FNDC3A: variants seen among roughly 807,000 people sequenced by gnomAD.
FNDC3A encodes the protein fibronectin type-III domain-containing protein 3A.
FNDC3A carries 32 observed loss-of-function variants against 148.9 expected under a neutral mutation model. That is an observed-to-expected ratio of 0.21 (90% CI 0.16 to 0.29). The LOEUF is 0.29. Among genes scored for constraint, FNDC3A ranks in the 10% least tolerant of loss-of-function variants. The pLI is 1.00. For missense variants in FNDC3A, 1,191 were observed against 1,452.8 expected (o/e 0.82, Z 2.93); for synonymous variants, 472 against 473.6 (o/e 1.00, Z 0.04).
At chr13:49,173,786 A>G (rs938717698) in intron 11 of FNDC3A, among the ~76,000 whole-genome samples, 13 of 152,166 alleles carry the variant, frequency 8.5e-5, no homozygotes, top group Admixed American at 4.6e-4. Context: ...CCTAACTACC[A>G]TTTTATCTCT....
chr13:49,050,807 T>C (rs780584874), intron 2 of FNDC3A, among the ~76,000 whole-genome samples: 1 of 152,238 alleles, frequency 6.6e-6, no homozygotes, highest in African/African-American at 2.4e-5. Flanking sequence ...GTAATTGTTT[T>C]ATAAATGTGG....
intron 5 of FNDC3A, among the ~76,000 whole-genome samples, chr13:49,131,734 C>T (rs113560605): frequency 6.4e-4 from 98 of 152,312 alleles, no homozygotes; most frequent in African/African-American, 2.0e-3. Context: ...CTACACAAAG[C>T]TGCTAAGCTC....
chr13:49,173,302 C>T (rs1476788621), intron 11 of FNDC3A, among the ~76,000 whole-genome samples: 1 of 152,118 alleles, frequency 6.6e-6, no homozygotes, highest in Non-Finnish European at 1.5e-5. Flanking sequence ...AGATTTTATT[C>T]CGGAAATTCT....
intron 10 of FNDC3A, among the ~76,000 whole-genome samples, chr13:49,170,018 T>C (rs1884671856): frequency 6.6e-6 from 1 of 152,158 alleles, no homozygotes; most frequent in Non-Finnish European, 1.5e-5. Flanking sequence ...GTGACTGTTC[T>C]TTATTTCGAA....
At chr13:49,151,537 TTG>T (rs543869016) in intron 8 of FNDC3A, among the ~76,000 whole-genome samples, 104 of 152,308 alleles carry the variant, frequency 6.8e-4, no homozygotes, top group Non-Finnish European at 1.2e-3. Context: ...TTCAGTGAGT[TTG>T]TGTCTTTTAA....
intron 1 of FNDC3A, among the ~76,000 whole-genome samples, chr13:48,989,030 A>G (rs1211763146): frequency 1.3e-5 from 2 of 152,226 alleles, no homozygotes; most frequent in Non-Finnish European, 2.9e-5. Context: ...ACACAGGGCC[A>G]GAAGAAGTGC....
At chr13:49,151,973 T>C (rs1883326805) in intron 8 of FNDC3A, among the ~76,000 whole-genome samples, 1 of 152,226 alleles carries the variant, frequency 6.6e-6, no homozygotes. Context: ...TAATCCAGTC[T>C]ATCATTGGTA....
At chr13:49,132,047 CCACTAGT>C (rs761128437) in intron 5 of FNDC3A, among the ~76,000 whole-genome samples, 6 of 152,138 alleles carry the variant, frequency 3.9e-5, no homozygotes, top group Non-Finnish European at 7.4e-5. Context: ...AGTAGGTGGT[CCACTAGT>C]CACTTAGTTT....
chr13:49,193,621 C>A (rs1368414009), intron 19 of FNDC3A, among the ~76,000 whole-genome samples: 3 of 152,150 alleles, frequency 2.0e-5, no homozygotes, highest in Non-Finnish European at 4.4e-5. Flanking sequence ...TAAGTCTATA[C>A]TATTAAATGA....
intron 2 of FNDC3A, among the ~76,000 whole-genome samples, chr13:49,060,675 G>C (rs1039349889): frequency 7.0e-6 from 1 of 142,152 alleles, no homozygotes; most frequent in African/African-American, 2.6e-5. Context: ...AAAAAGTGCT[G>C]ATGCATGCTA....
chr13:49,061,323 C>T (rs188375800), intron 2 of FNDC3A, among the ~76,000 whole-genome samples: 1,043 of 3,604 alleles, frequency 0.29, 25 homozygotes, highest in Middle Eastern at 0.42. Flanking sequence ...TCTTCTCTTC[C>T]CTTCCCTTCC....
chr13:49,199,266 C>G (rs1296088996), intron 23 of FNDC3A, among the ~76,000 whole-genome samples: 1 of 152,046 alleles, frequency 6.6e-6, no homozygotes, highest in Non-Finnish European at 1.5e-5. Context: ...AGTGGTCCTC[C>G]CCGCTCAGCC....
chr13:49,004,106 C>T (rs1310766384), intron 1 of FNDC3A, among the ~76,000 whole-genome samples: 1 of 151,980 alleles, frequency 6.6e-6, no homozygotes, highest in Admixed American at 6.6e-5. Flanking sequence ...TCAAATGTTA[C>T]ATTATAAAAA....
intron 14 of FNDC3A, among the ~76,000 whole-genome samples, chr13:49,182,756 T>C (rs1885373192): frequency 6.6e-6 from 1 of 152,182 alleles, no homozygotes; most frequent in Non-Finnish European, 1.5e-5. Flanking sequence ...TGTCAGCATC[T>C]GTTACAGTAC....
intron 25 of FNDC3A, among the ~76,000 whole-genome samples, chr13:49,204,779 G>C (rs1050528692): frequency 3.3e-5 from 5 of 152,088 alleles, no homozygotes; most frequent in Non-Finnish European, 1.5e-5. Context: ...CTTCAGTCCT[G>C]TATTTACAGT....
intron 25 of FNDC3A, among the ~76,000 whole-genome samples, chr13:49,204,644 A>G (rs1339957873): frequency 6.6e-6 from 1 of 152,256 alleles, no homozygotes; most frequent in African/African-American, 2.4e-5. Flanking sequence ...TAATTGTATT[A>G]CACGTTTAAA....
At chr13:48,989,664 T>G (rs1050454117) in intron 1 of FNDC3A, among the ~76,000 whole-genome samples, 1 of 151,848 alleles carries the variant, frequency 6.6e-6, no homozygotes, top group Non-Finnish European at 1.5e-5. Flanking sequence ...CCAAAATAGA[T>G]ATAAACTATA....
intron 3 of FNDC3A, among the ~76,000 whole-genome samples, chr13:49,089,998 C>A (rs1879078758): frequency 6.6e-6 from 1 of 152,154 alleles, no homozygotes. Context: ...TTTGCCTTGG[C>A]CTGCCATCCC....
chr13:49,034,082 T>C (rs1169268307), intron 2 of FNDC3A, among the ~76,000 whole-genome samples: 1 of 151,998 alleles, frequency 6.6e-6, no homozygotes, highest in African/African-American at 2.4e-5. Flanking sequence ...CATATTACCA[T>C]GAAGGTAAAA....
Sources: allele counts gnomAD v4.1 joint callset (sites outside exome capture counted in the v4.1 genomes callset), GRCh38; gene constraint gnomAD v4.1.1; transcripts MANE v1.5; gene names NCBI Gene and HGNC (gene_info 2026-07-23, HGNC 2026-07-21).